PKNOX2: variants seen among roughly 807,000 people sequenced by gnomAD.
PKNOX2 encodes the protein PBX/knotted 1 homeobox 2.
A neutral mutation model predicts 53.1 loss-of-function variants in PKNOX2; 14 were observed. The observed-to-expected ratio is 0.26, with a 90% CI of 0.17 to 0.41. The LOEUF (loss-of-function observed/expected upper bound fraction) is 0.41. PKNOX2 is among the 10% of genes least tolerant of loss of function. The pLI, the probability that PKNOX2 is intolerant of heterozygous loss-of-function variation, is 1.00. For synonymous variants in PKNOX2, 257 were observed against 242.8 expected, an observed-to-expected ratio of 1.06 and a Z score of -0.54; for missense variants, 496 against 602.8, an observed-to-expected ratio of 0.82 and a Z score of 1.85.
At chr11:125,280,820 G>T (rs1375370863) in intron 2 of PKNOX2, among the ~76,000 whole-genome samples, 1 of 152,302 alleles carries the variant, frequency 6.6e-6, no homozygotes, top group East Asian at 1.9e-4. Flanking sequence ...CAGGGCTCTG[G>T]TTGTCACGAT....
rs778999430 is a variant in PKNOX2, at chr11:125,420,256, G to A, written c.936+8391G>A. 4.7e-5 allele frequency among the ~76,000 whole-genome samples: 7 copies of A among 150,286 alleles called. No homozygotes were observed. In the East Asian group the frequency reaches 7.9e-4, roughly 17 times the overall value. ...AAAAAAAAAAATGGGGGCCGGGCACGGTGGCTCACGCCTTTAATCCCAGCA... is the reference window on the plus strand; with the variant it reads ...AAAAAAAAAAATGGGGGCCGGGCACAGTGGCTCACGCCTTTAATCCCAGCA... On this transcript the variant is annotated intron_variant, in intron 10 of 12. Transcript: ENST00000298282.
At chr11:125,177,223 A>C (rs911125693) in intron 1 of PKNOX2, among the ~76,000 whole-genome samples, 8 of 151,942 alleles carry the variant, frequency 5.3e-5, no homozygotes, top group Non-Finnish European at 5.9e-5. Context: ...CCAGGGCTGT[A>C]TCTTCCCTTT....
intron 2 of PKNOX2, among the ~76,000 whole-genome samples, chr11:125,285,258 G>A (rs1009611994): frequency 6.6e-6 from 1 of 152,140 alleles, no homozygotes; most frequent in Non-Finnish European, 1.5e-5. Flanking sequence ...CTGCTGCTTT[G>A]AAAAGGGCTC....
rs367556753 is a variant in PKNOX2, at chr11:125,205,830, A to G, written c.-200-29215A>G. On this transcript the variant is annotated intron_variant, in intron 1 of 12. Transcript: ENST00000298282. ...AACCTAACCCCTAACTTCCATCTTC[A>G]AGGACTTTACCCTCTAAATGGAAAG... 7.2e-5 allele frequency among the ~76,000 whole-genome samples: 11 copies of G among 152,260 alleles called. No individual in the cohort carries two copies. In the East Asian group the frequency reaches 2.1e-3, roughly 29 times the overall value.
intron 2 of PKNOX2, among the ~76,000 whole-genome samples, chr11:125,311,482 G>A (rs901219660): frequency 4.6e-5 from 7 of 152,200 alleles, no homozygotes; most frequent in African/African-American, 7.2e-5. Flanking sequence ...TAGAATTCTG[G>A]TGTATGCAAA....
At chr11:125,404,806 C>T (rs929220072) in intron 7 of PKNOX2, among the ~76,000 whole-genome samples, 10 of 152,136 alleles carry the variant, frequency 6.6e-5, no homozygotes, top group African/African-American at 2.4e-4. Context: ...TAGGGAAAGA[C>T]GACGCCTGCA....
chr11:125,341,283 G>A (rs539941065), intron 3 of PKNOX2, among the ~76,000 whole-genome samples: 1 of 150,644 alleles, frequency 6.6e-6, no homozygotes, highest in Non-Finnish European at 1.5e-5. Flanking sequence ...TTGAACCCGG[G>A]AGGCAGAGGT....
intron 7 of PKNOX2, among the ~76,000 whole-genome samples, chr11:125,400,892 A>C (rs1242615334): frequency 2.0e-5 from 3 of 152,112 alleles, no homozygotes; most frequent in African/African-American, 7.2e-5. Context: ...AAATCACCTT[A>C]TTATAGGCCA....
intron 3 of PKNOX2, among the ~76,000 whole-genome samples, chr11:125,346,480 T>C (rs953615668): frequency 2.0e-4 from 31 of 152,352 alleles, no homozygotes; most frequent in Admixed American, 9.8e-4. Flanking sequence ...TGGTAGATTC[T>C]ACTGGATGTG....
chr11:125,416,053 C>A (rs1290744147), intron 10 of PKNOX2, among the ~76,000 whole-genome samples: 1 of 152,042 alleles, frequency 6.6e-6, no homozygotes, highest in South Asian at 2.1e-4. Context: ...CCTGTAATCC[C>A]AGCACTTTGG....
intron 2 of PKNOX2, among the ~76,000 whole-genome samples, chr11:125,277,347 G>T (rs1280699946): frequency 6.6e-6 from 1 of 152,206 alleles, no homozygotes; most frequent in African/African-American, 2.4e-5. Flanking sequence ...AGTCTCCAAT[G>T]ATGCTGGCAG....
At chr11:125,272,159 A>G (rs939032631) in intron 2 of PKNOX2, among the ~76,000 whole-genome samples, 1 of 152,228 alleles carries the variant, frequency 6.6e-6, no homozygotes, top group African/African-American at 2.4e-5. Flanking sequence ...TCAAATGGGA[A>G]CTAGAGTTGG....
intron 2 of PKNOX2, among the ~76,000 whole-genome samples, chr11:125,249,175 C>T (rs565900999): frequency 1.3e-5 from 2 of 151,622 alleles, no homozygotes; most frequent in Admixed American, 6.6e-5. Context: ...CCCTGGGAAT[C>T]TCCGGGTCTT....
At chr11:125,378,285 C>T (rs761138262) in intron 5 of PKNOX2, among the ~76,000 whole-genome samples, 6 of 152,352 alleles carry the variant, frequency 3.9e-5, no homozygotes, top group South Asian at 2.1e-4. Flanking sequence ...GCGTGCCCCA[C>T]CTCACCCCAC....
intron 7 of PKNOX2, 156 bp from the exon 8 acceptor site, chr11:125,410,040 A>G: frequency 2.0e-6 from 2 of 984,336 alleles, no homozygotes; most frequent in South Asian, 2.1e-5. Context: ...CCTTTCTAGG[A>G]AACCAAGAGA....
In PKNOX2 at chr11:125,351,377, C is replaced by A; in HGVS notation, c.72C>A (p.Tyr24Ter). ...CGCAGAATGTCCCGCCCCCACCCTA[C>A]CAGGACAGCCCACAGGTGAGTGCGC... The part of the protein sequence containing the change: ...MATQNVPPPP[Y>*]QDSPQMTATA... The change falls in exon 4 of 13, where the codon TAC becomes TAA. Residue 24 changes from tyrosine to a stop codon, truncating the protein, a stop_gained. Transcript: ENST00000298282. LOFTEE classifies it high-confidence loss of function. 6.2e-7 allele frequency: 1 copy of A among 1,601,360 alleles called. No homozygotes were observed.
chr11:125,338,137 G>T (rs1950516090), intron 3 of PKNOX2, among the ~76,000 whole-genome samples: 1 of 152,152 alleles, frequency 6.6e-6, no homozygotes, highest in Non-Finnish European at 1.5e-5. Context: ...CCCTTGGGGA[G>T]CTCTCTGCCT....
intron 3 of PKNOX2, among the ~76,000 whole-genome samples, chr11:125,338,961 A>G (rs1950549890): frequency 6.6e-6 from 1 of 152,264 alleles, no homozygotes; most frequent in Non-Finnish European, 1.5e-5. Flanking sequence ...ATTAAGCTTC[A>G]CTGCGAGTTA....
chr11:125,407,033 A>C (rs1049579551), intron 7 of PKNOX2, among the ~76,000 whole-genome samples: 9 of 150,904 alleles, frequency 6.0e-5, no homozygotes, highest in Non-Finnish European at 1.2e-4. Context: ...GGATGCCAAA[A>C]TTTTGCTTCC....
Sources: gnomAD v4.1 joint callset for allele counts (sites outside exome capture counted in the v4.1 genomes callset) on GRCh38, gnomAD v4.1.1 for gene constraint, MANE v1.5 for transcripts, NCBI Gene and HGNC (gene_info 2026-07-23, HGNC 2026-07-21) for gene names.